DTNB: variants seen among roughly 807,000 people sequenced by gnomAD.
DTNB encodes DTN-B.
A neutral mutation model predicts 90.7 loss-of-function variants in DTNB; 63 were observed. The observed-to-expected ratio is 0.69, with a 90% CI of 0.57 to 0.86. The LOEUF (loss-of-function observed/expected upper bound fraction) is 0.86. Among genes scored for constraint, DTNB ranks in the 40% least tolerant of loss-of-function variants. DTNB has a pLI of 0.00. For missense variants in DTNB, 744 were observed against 807.1 expected, an observed-to-expected ratio of 0.92 and a Z score of 0.95; for synonymous variants, 277 against 286.7, an observed-to-expected ratio of 0.97 and a Z score of 0.34.
At chr2:25,415,953 T>C (rs2047821795) in intron 16 of DTNB, among the ~76,000 whole-genome samples, 1 of 152,168 alleles carries the variant, frequency 6.6e-6, no homozygotes, top group African/African-American at 2.4e-5. Flanking sequence ...CAGCAAATTA[T>C]TGAGCCTGAG....
chr2:25,519,671 C>T (rs1242660573), intron 9 of DTNB, among the ~76,000 whole-genome samples: 8 of 152,208 alleles, frequency 5.3e-5, no homozygotes, highest in South Asian at 2.1e-4. Flanking sequence ...ACTGTCACGT[C>T]GGCACTCAAA....
intron 10 of DTNB, among the ~76,000 whole-genome samples, chr2:25,471,290 A>G (rs1373181905): frequency 2.0e-5 from 3 of 152,160 alleles, no homozygotes; most frequent in Non-Finnish European, 4.4e-5. Context: ...TCCTGTGCTT[A>G]TCTACCCAGC....
chr2:25,613,697 CG>C (rs1333934586), intron 4 of DTNB, among the ~76,000 whole-genome samples: 1 of 150,452 alleles, frequency 6.6e-6, no homozygotes, highest in Non-Finnish European at 1.5e-5. Context: ...CAGTGGCTCA[CG>C]CCTGTAATCG....
intron 9 of DTNB, among the ~76,000 whole-genome samples, chr2:25,524,307 C>G (rs2076692577): frequency 1.3e-5 from 2 of 150,630 alleles, no homozygotes; most frequent in Admixed American, 6.6e-5. Flanking sequence ...CATAGAAACT[C>G]AAAGTTGAAA....
At chr2:25,555,745 G>C (rs900435917) in intron 8 of DTNB, among the ~76,000 whole-genome samples, 5 of 152,160 alleles carry the variant, frequency 3.3e-5, no homozygotes, top group Non-Finnish European at 5.9e-5. Flanking sequence ...GCTGGGTACA[G>C]TGGCTCACTC....
intron 1 of DTNB, among the ~76,000 whole-genome samples, chr2:25,659,810 T>C (rs1159812497): frequency 6.6e-6 from 1 of 152,080 alleles, no homozygotes; most frequent in Non-Finnish European, 1.5e-5. Context: ...ACAAGAACCC[T>C]TCCAGAAAAC....
intron 8 of DTNB, among the ~76,000 whole-genome samples, chr2:25,552,909 G>A (rs557447390): frequency 1.0e-4 from 13 of 127,992 alleles, no homozygotes; most frequent in Admixed American, 1.9e-4. Flanking sequence ...GTCGGACTGC[G>A]GACTGCAGTG....
chr2:25,405,360 G>A (rs1051414280), intron 16 of DTNB, among the ~76,000 whole-genome samples: 1 of 152,092 alleles, frequency 6.6e-6, no homozygotes, highest in South Asian at 2.1e-4. Flanking sequence ...GACCAACATG[G>A]TGAAACCCCG....
Position 25,392,303 on chromosome 2 carries a change from G to A in DTNB, c.1576-3942C>T, listed in dbSNP as rs541391696. On this transcript the variant is annotated intron_variant, in intron 16 of 20. Coordinates refer to ENST00000406818, the MANE Select transcript of DTNB (RefSeq NM_021907.5). ...CACGCACCTGTAATCCCAGCTACTC[G>A]GGAGGCTGAGGCAGGAGAATCTCTT... 4.6e-5 allele frequency among the ~76,000 whole-genome samples: 7 copies of A among 152,132 alleles called. No homozygotes were observed. In the South Asian group the frequency reaches 8.3e-4, roughly 18 times the overall value.
chr2:25,523,735 T>G (rs910601855), intron 9 of DTNB, among the ~76,000 whole-genome samples: 1 of 152,288 alleles, frequency 6.6e-6, no homozygotes, highest in African/African-American at 2.4e-5. Context: ...GTTGAATTTT[T>G]AGTTTGCTTT....
chr2:25,550,948 C>T (rs912761640), intron 8 of DTNB, among the ~76,000 whole-genome samples: 9 of 152,254 alleles, frequency 5.9e-5, no homozygotes, highest in Non-Finnish European at 2.9e-5. Context: ...CAGCACCCAG[C>T]TGAGACCTCA....
At chr2:25,527,704 AAAAT>A (rs2077432983) in intron 9 of DTNB, among the ~76,000 whole-genome samples, 1 of 152,218 alleles carries the variant, frequency 6.6e-6, no homozygotes, top group East Asian at 1.9e-4. Flanking sequence ...GGTAACTTCA[AAAAT>A]AAATAAACAA....
At chr2:25,624,638 A>G (rs1046566835) in intron 4 of DTNB, among the ~76,000 whole-genome samples, 9 of 152,222 alleles carry the variant, frequency 5.9e-5, no homozygotes, top group Non-Finnish European at 1.3e-4. Flanking sequence ...ACACTGGACT[A>G]ACACAAAGGT....
intron 15 of DTNB, among the ~76,000 whole-genome samples, chr2:25,425,775 G>A (rs2051352508): frequency 1.3e-5 from 2 of 152,190 alleles, no homozygotes; most frequent in Admixed American, 1.3e-4. Context: ...GTAATAGCAG[G>A]AGCAAGTATC....
rs777533811 is a variant in DTNB at position 25,432,959 on chromosome 2, C to T, written c.1384G>A (p.Glu462Lys). ...TCAGGGGTGGGCTGGGAGGCCTGCTCGTGTTCCAGGCGGAGACGCTGAATC... is the reference window on the plus strand; with the variant it reads ...TCAGGGGTGGGCTGGGAGGCCTGCTTGTGTTCCAGGCGGAGACGCTGAATC... ...QEIQRLRLEH[E>K]QASQPTPEKA... Residue 462 changes from glutamate to lysine, a missense_variant, in exon 14 of 21, where the codon GAG (glutamate) becomes AAG (lysine). Glu to Lys is a moderately conservative substitution (Grantham distance 56). Transcript: ENST00000406818. 25 of 1,610,764 alleles carry T rather than the reference C, an allele frequency of 1.6e-5. 1 individual carries two copies. Among genetic ancestry groups the T allele is most frequent in the Admixed American group, 8.4e-5 (5 of 59,790 alleles).
intron 4 of DTNB, 55 bp from the exon 5 acceptor site, chr2:25,607,376 G>A (rs759328050): frequency 4.0e-5 from 60 of 1,515,508 alleles, no homozygotes; most frequent in Middle Eastern, 1.7e-4. Flanking sequence ...AAAAGGACTC[G>A]AATGTATCAC....
At chr2:25,642,762 T>C (rs2078620965) in intron 2 of DTNB, among the ~76,000 whole-genome samples, 1 of 151,842 alleles carries the variant, frequency 6.6e-6, no homozygotes, top group South Asian at 2.1e-4. Flanking sequence ...TTGGGTTTTG[T>C]TTTTGTTTTG....
At chr2:25,426,597 C>G (rs1176516232) in intron 15 of DTNB, 4 of 152,280 alleles carry the variant, frequency 2.6e-5, no homozygotes. Flanking sequence ...TTCGGAATCA[C>G]ACCGTCAGTT....
intron 8 of DTNB, among the ~76,000 whole-genome samples, chr2:25,534,907 G>T (rs868100942): frequency 2.7e-5 from 4 of 150,296 alleles, no homozygotes; most frequent in African/African-American, 9.8e-5. Flanking sequence ...GCCGGGCAGA[G>T]GCACTCCCCA....
Sources: allele counts gnomAD v4.1 joint callset (sites outside exome capture counted in the v4.1 genomes callset), GRCh38; gene constraint gnomAD v4.1.1; transcripts MANE v1.5; gene names NCBI Gene and HGNC (gene_info 2026-07-23, HGNC 2026-07-21).